The following COL15A1 variants were observed in gnomAD, a reference collection of about 807,000 sequenced individuals.
COL15A1 encodes collagen alpha-1(XV) chain.
COL15A1 carries 111 observed loss-of-function variants against 165.9 expected under a neutral mutation model. The ratio of observed to expected loss-of-function variants is 0.67; its 90% confidence interval spans 0.57 to 0.78. The LOEUF (loss-of-function observed/expected upper bound fraction) is 0.78. COL15A1 is among the 30% of genes least tolerant of loss of function. The pLI is 0.00. For missense variants in COL15A1, 1,745 were observed against 1,789.7 expected, an observed-to-expected ratio of 0.98 and a Z score of 0.45; for synonymous variants, 659 against 674.8, an observed-to-expected ratio of 0.98 and a Z score of 0.36.
At chr9:99,036,106 C>A in intron 19 of COL15A1, 64 bp from the exon 20 acceptor site, 3 of 1,334,726 alleles carry the variant, frequency 2.2e-6, no homozygotes, top group Admixed American at 3.4e-5. Flanking sequence ...GATGGTGAGA[C>A]AAGAGGCTAG....
At chr9:98,958,433 G>C (rs1457597994) in intron 2 of COL15A1, among the ~76,000 whole-genome samples, 1 of 152,008 alleles carries the variant, frequency 6.6e-6, no homozygotes, top group Non-Finnish European at 1.5e-5. Flanking sequence ...TGTGTATTTG[G>C]TACAAAACAG....
chr9:98,951,436 G>A (rs1408486836), intron 2 of COL15A1, among the ~76,000 whole-genome samples: 1 of 152,176 alleles, frequency 6.6e-6, no homozygotes, highest in Admixed American at 6.5e-5. Context: ...CCTGGCCCCA[G>A]AGGACCCTGC....
intron 11 of COL15A1, among the ~76,000 whole-genome samples, chr9:99,019,983 C>T (rs976515086): frequency 1.3e-5 from 2 of 152,166 alleles, no homozygotes; most frequent in African/African-American, 2.4e-5. Flanking sequence ...TAGCAAAGCC[C>T]ACACTGGTCA....
intron 8 of COL15A1, among the ~76,000 whole-genome samples, chr9:99,004,356 G>C (rs147418837): frequency 1.5e-3 from 231 of 152,304 alleles, no homozygotes; most frequent in African/African-American, 5.2e-3. Flanking sequence ...GATCCTCCCA[G>C]AAGTCCCAGT....
chr9:99,025,341 C>CCATT (rs1468704793), intron 15 of COL15A1, among the ~76,000 whole-genome samples: 7 of 152,142 alleles, frequency 4.6e-5, no homozygotes, highest in Non-Finnish European at 8.8e-5. Flanking sequence ...ACCCATACAG[C>CCATT]CATTCTGTTT....
intron 2 of COL15A1, among the ~76,000 whole-genome samples, chr9:98,978,104 TC>T (rs1014094494): frequency 6.6e-6 from 1 of 152,222 alleles, no homozygotes; most frequent in African/African-American, 2.4e-5. Flanking sequence ...TGGCTGTGCC[TC>T]CTGGCCATGG....
At position 99,035,115 on chromosome 9, in the gene COL15A1, G is replaced by A. The variant is rs754338578; in HGVS notation, c.2181G>A (p.Gly727=). 1 of 1,603,422 alleles carries A rather than the reference G, an allele frequency of 6.2e-7. No homozygotes were observed. Among genetic ancestry groups the A allele is most frequent in the Non-Finnish European group, 8.5e-7 (1 of 1,175,898 alleles). ...CCCCAGGGCCTCCTGGACCCCCTGG[G>A]CCCCCAGGCCCTGGATGCACAATGG... is the stretch of plus-strand genomic sequence containing the variant. ...MGPPGPPGPP[G]PPGPGCTMGL... The change falls in exon 18 of 42, where the codon GGG becomes GGA. Residue 727 remains glycine (G), a synonymous_variant. Transcript: ENST00000375001.
At position 99,040,550 on chromosome 9, in the gene COL15A1, A is replaced by G. The variant is rs1839384643; in HGVS notation, c.2505A>G (p.Gly835=). ...CGGACGGGTTGCCTGGGCTGCCAGG[A>G]TTTCCAGTAAGTACCACCCTCGCTG... ...PGPDGLPGLP[G]FPGPRGPKGD... Residue 835 remains glycine (G), a synonymous_variant, in exon 23 of 42, where the codon GGA becomes GGG. Coordinates refer to ENST00000375001, the MANE Select transcript of COL15A1 (RefSeq NM_001855.5). The G allele has an allele frequency of 6.2e-7, 1 of 1,613,948 alleles. No individual in the cohort carries two copies. Among genetic ancestry groups the G allele is most frequent in the South Asian group, 1.1e-5 (1 of 91,076 alleles).
At chr9:99,037,879 G>A (rs1029027039) in intron 21 of COL15A1, among the ~76,000 whole-genome samples, 1 of 152,196 alleles carries the variant, frequency 6.6e-6, no homozygotes, top group African/African-American at 2.4e-5. Context: ...AATGTGGTGT[G>A]CTCCAGGTCG....
Position 99,022,158 on chromosome 9 carries a change from T to C in COL15A1, c.1761+8T>C. 6.2e-7 allele frequency: 1 copy of C among 1,614,056 alleles called. No homozygotes were observed. Among genetic ancestry groups the C allele is most frequent in the African/African-American group, 1.3e-5 (1 of 74,986 alleles). On this transcript the variant is annotated splice_region_variant and intron_variant, in intron 13 of 41. Coordinates refer to ENST00000375001, the MANE Select transcript of COL15A1 (RefSeq NM_001855.5). ...GGGCCTGTTGGACCCACGGTGAGAT[T>C]CCCATCCAGGCTTGTCACACACACA...
intron 16 of COL15A1, among the ~76,000 whole-genome samples, chr9:99,026,941 A>G (rs1839136462): frequency 6.6e-6 from 1 of 152,296 alleles, no homozygotes; most frequent in South Asian, 2.1e-4. Flanking sequence ...AGCCTCTATT[A>G]GTGTTTGATG....
chr9:98,962,124 C>T (rs1837875081), intron 2 of COL15A1, among the ~76,000 whole-genome samples: 4 of 152,242 alleles, frequency 2.6e-5, no homozygotes, highest in Admixed American at 2.6e-4. Flanking sequence ...CCAGGTCTGA[C>T]ATGATCTCTT....
Position 99,044,594 on chromosome 9 carries a change from C to G in COL15A1, c.2601C>G (p.Ile867Met). Residue 867 changes from isoleucine to methionine, a missense_variant, in exon 25 of 42, where the codon ATC (isoleucine) becomes ATG (methionine). Coordinates refer to ENST00000375001, the MANE Select transcript of COL15A1 (RefSeq NM_001855.5). Reference sequence around the variant, plus strand: ...GCGAGAAGGGAGAGCCGGGTGCCATCCTGACAGAGGACATTCCTCTGGAAA... The same window carrying G: ...GCGAGAAGGGAGAGCCGGGTGCCATGCTGACAGAGGACATTCCTCTGGAAA... Reference protein sequence around the residue: ...EQGEKGEPGAILTEDIPLERL... With the variant: ...EQGEKGEPGAMLTEDIPLERL... The G allele has an allele frequency of 6.2e-7, 1 of 1,614,078 alleles. No homozygotes were observed. The highest frequency in any genetic ancestry group is 2.2e-5 in the East Asian group (1 of 44,866).
At chr9:98,963,646 C>CT (rs1326806436) in intron 2 of COL15A1, among the ~76,000 whole-genome samples, 2 of 152,148 alleles carry the variant, frequency 1.3e-5, no homozygotes, top group Non-Finnish European at 2.9e-5. Context: ...TGGTTCAACA[C>CT]TTTTTTTAAT....
chr9:99,049,111 C>T (rs1349108680), intron 28 of COL15A1, among the ~76,000 whole-genome samples: 5 of 152,200 alleles, frequency 3.3e-5, no homozygotes, highest in Non-Finnish European at 7.3e-5. Flanking sequence ...TTCATGCCTG[C>T]CCTCAGAGCC....
At chr9:99,042,159 C>T (rs752532573) in intron 24 of COL15A1, 52 bp downstream of exon 24, 16 of 1,324,000 alleles carry the variant, frequency 1.2e-5, no homozygotes, top group Admixed American at 4.1e-5. Context: ...ATTTGCTAAA[C>T]GTTTCAGATT....
At chr9:99,068,774 C>A in intron 41 of COL15A1, 104 bp downstream of exon 41, 2 of 700,952 alleles carry the variant, frequency 2.9e-6, no homozygotes, top group South Asian at 1.9e-5. Context: ...ATATTGCCAA[C>A]ATAAAGCCAC....
chr9:99,000,347 T>C (rs12342416), intron 6 of COL15A1, among the ~76,000 whole-genome samples: 4,780 of 152,130 alleles, frequency 0.031, 109 homozygotes, highest in Middle Eastern at 0.065. Context: ...CATATATGTA[T>C]ATATTATGTA....
intron 2 of COL15A1, among the ~76,000 whole-genome samples, chr9:98,983,892 G>A (rs1838267297): frequency 6.6e-6 from 1 of 152,214 alleles, no homozygotes; most frequent in African/African-American, 2.4e-5. Flanking sequence ...TGTCCAATAA[G>A]ATGGTGGCAA....
Sources: allele counts gnomAD v4.1 joint callset (sites outside exome capture counted in the v4.1 genomes callset), GRCh38; gene constraint gnomAD v4.1.1; transcripts MANE v1.5; gene names NCBI Gene and HGNC (gene_info 2026-07-23, HGNC 2026-07-21).